Variants in CCDC39 observed in about 807,000 individuals in gnomAD.
The protein encoded by CCDC39 is coiled-coil domain 39 molecular ruler complex subunit, also known as coiled-coil domain-containing protein 39.
CCDC39 carries 113 observed loss-of-function variants against 121.0 expected under a neutral mutation model. The observed-to-expected ratio is 0.93, with a 90% confidence interval of 0.80 to 1.09. CCDC39 has a LOEUF of 1.09. Ranked by LOEUF, CCDC39 falls within the 50% of genes least tolerant of loss-of-function variation. CCDC39 has a pLI of 0.00. For missense variants in CCDC39, 1,063 were observed against 1,074.7 expected (o/e 0.99, Z 0.15); for synonymous variants, 349 against 352.2 (o/e 0.99, Z 0.10).
chr3:180,654,029 G>C (rs1711522750), intron 7 of CCDC39, among the ~76,000 whole-genome samples: 2 of 148,540 alleles, frequency 1.3e-5, no homozygotes, highest in South Asian at 4.2e-4. Flanking sequence ...AGAATCCATG[G>C]ATAAGGAAGG....
At chr3:180,657,702 G>A (rs1711615506) in intron 6 of CCDC39, among the ~76,000 whole-genome samples, 2 of 152,140 alleles carry the variant, frequency 1.3e-5, no homozygotes, top group Admixed American at 6.5e-5. Flanking sequence ...AATAGCTGAT[G>A]TTATTTCAAT....
chr3:180,668,126 C>T (rs1218926921), intron 1 of CCDC39, among the ~76,000 whole-genome samples: 1 of 152,104 alleles, frequency 6.6e-6, no homozygotes, highest in African/African-American at 2.4e-5. Context: ...GCCTGTAATC[C>T]CAATATGTTG....
Position 180,644,214 on chromosome 3 carries a change from T to G in CCDC39, c.1571A>C (p.Asp524Ala). 1 of 1,541,210 alleles carries G rather than the reference T, an allele frequency of 6.5e-7. No homozygotes were observed. The highest frequency in any genetic ancestry group is 8.8e-7 in the Non-Finnish European group (1 of 1,141,426). ...TTTGGTCATAAGGGACTGTTTTTCA[T>G]CACTGTTTTTACTATGTGCCTTCTT... ...FIKKAHSKNS[D>A]EKQSLMTKIN... Residue 524 changes from aspartate to alanine, a missense_variant, in exon 12 of 20, where the codon GAT becomes GCT. Transcript: ENST00000476379.
intron 10 of CCDC39, 22 bp downstream of exon 10, chr3:180,648,143 T>C: frequency 1.3e-6 from 2 of 1,568,684 alleles, no homozygotes; most frequent in South Asian, 2.2e-5. Context: ...ATATGGAAGA[T>C]ATTCATAAAA....
Position 180,642,181 on chromosome 3 carries a change from A to G in CCDC39, c.1686T>C (p.Asn562=). 1 of 1,601,104 alleles carries G rather than the reference A, an allele frequency of 6.2e-7. No homozygotes were observed. The highest frequency in any genetic ancestry group is 8.5e-7 in the Non-Finnish European group (1 of 1,172,626). The part of the protein sequence containing the change: ...GFKQDLMIED[N]LLKLEVKRTR... ...TACGCTTAACTTCAAGTTTTAAAAG[A>G]TTGTCCTCTATCATCAAATCCTATC... The change falls in exon 13 of 20, where the codon AAT becomes AAC. Residue 562 remains asparagine (N), a synonymous_variant. Coordinates refer to ENST00000476379, the MANE Select transcript of CCDC39 (RefSeq NM_181426.2).
chr3:180,649,362 A>G (rs1718145687), intron 9 of CCDC39, among the ~76,000 whole-genome samples: 1 of 152,210 alleles, frequency 6.6e-6, no homozygotes, highest in Non-Finnish European at 1.5e-5. Flanking sequence ...GTTGAAAATT[A>G]TCATTTTTAA....
At chr3:180,640,820 G>A (rs1303471387) in intron 13 of CCDC39, among the ~76,000 whole-genome samples, 1 of 151,866 alleles carries the variant, frequency 6.6e-6, no homozygotes, top group Non-Finnish European at 1.5e-5. Context: ...GCTCCCAATG[G>A]CTTTTTTTTC....
chr3:180,618,505 C>G (rs754894403), intron 16 of CCDC39, among the ~76,000 whole-genome samples: 1 of 151,912 alleles, frequency 6.6e-6, no homozygotes, highest in Non-Finnish European at 1.5e-5. Flanking sequence ...GTGCTGCACC[C>G]ATTAACTTGT....
At chr3:180,662,304 A>G (rs1178673318) in intron 2 of CCDC39, among the ~76,000 whole-genome samples, 1 of 152,050 alleles carries the variant, frequency 6.6e-6, no homozygotes, top group Non-Finnish European at 1.5e-5. Flanking sequence ...AGTTAGACTT[A>G]AAACTTATTA....
chr3:180,645,484 CTCCT>C (rs1718047793), intron 11 of CCDC39, among the ~76,000 whole-genome samples: 1 of 152,036 alleles, frequency 6.6e-6, no homozygotes, highest in Non-Finnish European at 1.5e-5. Flanking sequence ...CGTTCCTCCT[CTCCT>C]CTGTTTCTAA....
chr3:180,616,812 A>G lies in CCDC39; in HGVS notation c.2406+14T>C, dbSNP rs1717261879. The G allele has an allele frequency of 6.2e-7, 1 of 1,606,516 alleles. No homozygotes were observed. Among genetic ancestry groups the G allele is most frequent in the Non-Finnish European group, 8.5e-7 (1 of 1,176,324 alleles). ...TGTAAATATGAAAGGTCAGTTTTTAAAAGATATCGATACCTGTTTGGTCAC... is the reference window on the plus strand; with the variant it reads ...TGTAAATATGAAAGGTCAGTTTTTAGAAGATATCGATACCTGTTTGGTCAC... On this transcript the variant is annotated intron_variant, in intron 17 of 19. Coordinates refer to ENST00000476379, the MANE Select transcript of CCDC39 (RefSeq NM_181426.2).
rs1711803976 is a variant in CCDC39 at position 180,663,813 on chromosome 3, A to G, written c.210+54T>C. On this transcript the variant is annotated intron_variant, in intron 2 of 19. Coordinates refer to ENST00000476379, the MANE Select transcript of CCDC39 (RefSeq NM_181426.2). ...TAAAAATCGCAGATGTAAATATACT[A>G]TGAGATGTTCCATGACTACACGATA... 6 of 1,554,666 alleles carry G rather than the reference A, an allele frequency of 3.9e-6. No homozygotes were observed. The South Asian group carries it at 6.8e-5, about 18-fold the overall frequency.
chr3:180,651,277 A>T lies in CCDC39; in HGVS notation c.1167+124T>A. ...GAAGAGGTCCAAAACCAGATTATAA[A>T]TGTGATCATACCAAAAAGCAGAGCT... is the stretch of plus-strand genomic sequence containing the variant. On this transcript the variant is annotated intron_variant, in intron 9 of 19. Coordinates refer to ENST00000476379, the MANE Select transcript of CCDC39 (RefSeq NM_181426.2). The T allele has an allele frequency of 4.1e-6, 3 of 726,352 alleles. No homozygotes were observed. In the South Asian group the frequency reaches 6.0e-5, roughly 15 times the overall value. 45.0% of individuals were successfully genotyped at this position (726,352 alleles called of 1,614,324 possible).
intron 13 of CCDC39, among the ~76,000 whole-genome samples, chr3:180,632,308 C>T (rs1471452550): frequency 6.6e-6 from 1 of 152,082 alleles, no homozygotes; most frequent in African/African-American, 2.4e-5. Flanking sequence ...ATTTTATGAG[C>T]TATTTTTTAG....
chr3:180,651,412 T>C lies in CCDC39; in HGVS notation c.1156A>G (p.Lys386Glu), dbSNP rs1201942235. 1 of 1,557,158 alleles carries C rather than the reference T, an allele frequency of 6.4e-7. No homozygotes were observed. ...NLEDMLKEEE[K>E]DVKEVDVQLN... ...AAACTAAACTTTACCTTCACATCTT[T>C]TTCCTCCTCCTTTAGCATATCTTCC... is the stretch of plus-strand genomic sequence containing the variant. The change falls in exon 9 of 20, where the codon AAA becomes GAA. Residue 386 changes from lysine (K) to glutamate (E), a missense_variant. Lys to Glu is a moderately conservative substitution (Grantham distance 56). Transcript: ENST00000476379.
intron 11 of CCDC39, among the ~76,000 whole-genome samples, chr3:180,646,151 C>T (rs530533790): frequency 1.1e-3 from 161 of 152,012 alleles, no homozygotes; most frequent in African/African-American, 3.7e-3. Flanking sequence ...AGTGGTATAG[C>T]CTTGAAATTT....
At chr3:180,663,420 C>T (rs1282071142) in intron 2 of CCDC39, among the ~76,000 whole-genome samples, 2 of 152,026 alleles carry the variant, frequency 1.3e-5, no homozygotes, top group African/African-American at 2.4e-5. Context: ...TTGGAGCAGT[C>T]GCAGCACTTT....
At chr3:180,616,149 T>C (rs1717228119) in intron 19 of CCDC39, 132 bp downstream of exon 19, 1 of 729,176 alleles carries the variant, frequency 1.4e-6, no homozygotes, top group African/African-American at 1.7e-5. Context: ...TAGTGAGATG[T>C]CTGACAGTGA....
chr3:180,628,446 A>T (rs1334646009), intron 14 of CCDC39, among the ~76,000 whole-genome samples: 1 of 152,102 alleles, frequency 6.6e-6, no homozygotes, highest in African/African-American at 2.4e-5. Flanking sequence ...TGACCTCGTG[A>T]TCCACCCACC....
Sources: allele counts gnomAD v4.1 joint callset (sites outside exome capture counted in the v4.1 genomes callset), GRCh38; gene constraint gnomAD v4.1.1; transcripts MANE v1.5; gene names NCBI Gene and HGNC (gene_info 2026-07-23, HGNC 2026-07-21).